Variants in SEMA6D observed in about 807,000 individuals in gnomAD.
SEMA6D encodes the protein semaphorin 6D.
In SEMA6D, 35 loss-of-function variants were observed where a neutral mutation model predicts 106.6. That is an observed-to-expected ratio of 0.33 (90% CI 0.25 to 0.44). The LOEUF (loss-of-function observed/expected upper bound fraction) is 0.44, where lower values mean the gene tolerates loss of function less well. Among genes scored for constraint, SEMA6D ranks in the 20% least tolerant of loss-of-function variants. The pLI is 1.00. For missense variants in SEMA6D, 1,185 were observed against 1,345.9 expected (o/e 0.88, Z 1.87); for synonymous variants, 499 against 487.7 (o/e 1.02, Z -0.31).
intron 1 of SEMA6D, among the ~76,000 whole-genome samples, chr15:47,211,702 A>C (rs1355347627): frequency 6.6e-6 from 1 of 152,172 alleles, no homozygotes; most frequent in African/African-American, 2.4e-5. Flanking sequence ...ACATTTGGCC[A>C]AATTTACTTA....
At chr15:47,186,014 T>G (rs890263060) in intron 1 of SEMA6D, among the ~76,000 whole-genome samples, 2 of 152,174 alleles carry the variant, frequency 1.3e-5, no homozygotes, top group Non-Finnish European at 2.9e-5. Flanking sequence ...GTTTACAATA[T>G]TGTCTACAAA....
chr15:47,737,903 C>CAAT (rs2080542420), intron 1 of SEMA6D, among the ~76,000 whole-genome samples: 1 of 151,972 alleles, frequency 6.6e-6, no homozygotes, highest in Non-Finnish European at 1.5e-5. Context: ...CTGCCATGTG[C>CAAT]AATATATTGA....
intron 1 of SEMA6D, among the ~76,000 whole-genome samples, chr15:47,325,234 C>T (rs1050979065): frequency 1.3e-5 from 2 of 151,102 alleles, no homozygotes; most frequent in African/African-American, 2.4e-5. Context: ...AGTGCAGTGG[C>T]GCCATCTCGG....
rs112847344 is a variant in SEMA6D, at chr15:47,717,767, C to CTGTGTGTGTGTGTG, written c.-55+90_-55+103dup. 412 of 115,352 alleles carry CTGTGTGTGTGTGTG rather than the reference C, an allele frequency of 3.6e-3. 50 individuals are homozygous for CTGTGTGTGTGTGTG. The highest frequency in any genetic ancestry group is 0.016 in the African/African-American group (392 of 25,162). 7.1% of individuals were successfully genotyped at this position (115,352 alleles called of 1,614,324 possible). A position where few individuals can be genotyped will look rare whatever the true frequency, so the allele number is the denominator to read the frequency against. ...GGTCGGAACCTGAGATCCCGAATCG[C>CTGTGTGTGTGTGTG]TGTGTGTGTGTGTGTGTGTGTGTGT... On this transcript the variant is annotated intron_variant, in intron 1 of 18. Coordinates refer to ENST00000536845, the MANE Select transcript of SEMA6D (RefSeq NM_001358351.3).
intron 3 of SEMA6D, among the ~76,000 whole-genome samples, chr15:47,495,063 A>G (rs915450804): frequency 4.0e-5 from 6 of 151,678 alleles, no homozygotes; most frequent in African/African-American, 1.2e-4. Flanking sequence ...AAAAATACTG[A>G]ATATTTAAAA....
At position 47,195,697 on chromosome 15, in the gene SEMA6D, G is replaced by A. The variant is rs186203527; in HGVS notation, c.-239+11279G>A. Among the ~76,000 whole-genome samples, 7 of 151,996 alleles carry A rather than the reference G, an allele frequency of 4.6e-5. No individual in the cohort carries two copies. In the East Asian group the frequency reaches 5.8e-4, roughly 13 times the overall value. ...CTGACCAATTTAGGTATCTCTTCTCGGGGTTCCACTGCATCTTGTGCTCGC... is the reference window on the plus strand; with the variant it reads ...CTGACCAATTTAGGTATCTCTTCTCAGGGTTCCACTGCATCTTGTGCTCGC... On this transcript the variant is annotated intron_variant, in intron 1 of 19. Transcript: ENST00000558014.
chr15:47,470,977 G>A (rs201138040), intron 3 of SEMA6D, among the ~76,000 whole-genome samples: 1 of 152,234 alleles, frequency 6.6e-6, no homozygotes, highest in East Asian at 1.9e-4. Context: ...TGTGTACACT[G>A]TAATGGCCTT....
chr15:47,233,042 T>C (rs1716465429), intron 1 of SEMA6D, among the ~76,000 whole-genome samples: 1 of 152,046 alleles, frequency 6.6e-6, no homozygotes, highest in Non-Finnish European at 1.5e-5. Flanking sequence ...TATTTATACC[T>C]GAATTTCCTT....
chr15:47,328,919 G>T (rs1462275513), intron 1 of SEMA6D, among the ~76,000 whole-genome samples: 4 of 152,182 alleles, frequency 2.6e-5, no homozygotes, highest in Non-Finnish European at 5.9e-5. Flanking sequence ...CATTGGAGTA[G>T]ACTTTCATCA....
intron 1 of SEMA6D, among the ~76,000 whole-genome samples, chr15:47,740,624 A>T (rs1005046924): frequency 1.3e-5 from 2 of 152,220 alleles, no homozygotes; most frequent in Non-Finnish European, 2.9e-5. Flanking sequence ...GGTCAGCAAG[A>T]TACTTAAAAG....
intron 2 of SEMA6D, among the ~76,000 whole-genome samples, chr15:47,452,549 A>G (rs2042225450): frequency 6.6e-6 from 1 of 151,914 alleles, no homozygotes; most frequent in Admixed American, 6.6e-5. Context: ...GCATAATAAA[A>G]CCTTTCTTTT....
intron 1 of SEMA6D, chr15:47,274,351 C>T (rs888697768): frequency 6.6e-5 from 10 of 151,964 alleles, no homozygotes; most frequent in African/African-American, 2.4e-4. Flanking sequence ...TTCATGTCTG[C>T]CAAAATGTAA....
chr15:47,194,336 C>T (rs190513174), intron 1 of SEMA6D, among the ~76,000 whole-genome samples: 22 of 152,096 alleles, frequency 1.4e-4, no homozygotes, highest in Admixed American at 5.9e-4. Context: ...GTCAAAACAC[C>T]GGTGCATTTT....
chr15:47,492,271 G>A (rs573370447), intron 3 of SEMA6D, among the ~76,000 whole-genome samples: 1 of 152,240 alleles, frequency 6.6e-6, no homozygotes, highest in East Asian at 1.9e-4. Flanking sequence ...TTGAGATAGA[G>A]AAAAAGAACA....
At chr15:47,483,102 T>C (rs1336626021) in intron 3 of SEMA6D, among the ~76,000 whole-genome samples, 3 of 152,146 alleles carry the variant, frequency 2.0e-5, no homozygotes, top group African/African-American at 4.8e-5. Context: ...AAATGTATAA[T>C]AGAATAAGGA....
intron 1 of SEMA6D, among the ~76,000 whole-genome samples, chr15:47,314,588 A>G (rs1456229607): frequency 3.4e-5 from 4 of 118,012 alleles, no homozygotes; most frequent in Non-Finnish European, 5.1e-5. Context: ...ACAGAGCGAG[A>G]CTCCATCTCA....
chr15:47,696,615 T>C (rs1250686604), intron 4 of SEMA6D, among the ~76,000 whole-genome samples: 2 of 152,188 alleles, frequency 1.3e-5, no homozygotes, highest in Non-Finnish European at 2.9e-5. Flanking sequence ...GGCAGCCAAG[T>C]ACTGTGACAG....
At chr15:47,572,923 A>G (rs1278583780) in intron 3 of SEMA6D, among the ~76,000 whole-genome samples, 8 of 152,320 alleles carry the variant, frequency 5.3e-5, no homozygotes, top group Non-Finnish European at 7.4e-5. Context: ...TACATCCTAA[A>G]GGTAAATCAA....
At chr15:47,478,352 T>A (rs981036638) in intron 3 of SEMA6D, among the ~76,000 whole-genome samples, 4 of 152,154 alleles carry the variant, frequency 2.6e-5, no homozygotes, top group Non-Finnish European at 5.9e-5. Flanking sequence ...TTATTAGTGG[T>A]CACTAATGGC....
Sources: allele counts gnomAD v4.1 joint callset (sites outside exome capture counted in the v4.1 genomes callset), GRCh38; gene constraint gnomAD v4.1.1; transcripts MANE v1.5; gene names NCBI Gene and HGNC (gene_info 2026-07-23, HGNC 2026-07-21).